ZNF267: variants seen among roughly 807,000 people sequenced by gnomAD.
The protein encoded by ZNF267 is zinc finger protein 267.
A neutral mutation model predicts 71.6 loss-of-function variants in ZNF267; 61 were observed. The ratio of observed to expected loss-of-function variants is 0.85; its 90% CI spans 0.69 to 1.05. ZNF267 has a LOEUF of 1.05. ZNF267 is among the 50% of genes least tolerant of loss of function. The pLI is 0.00. For synonymous variants in ZNF267, 288 were observed against 293.2 expected, an observed-to-expected ratio of 0.98 and a Z score of 0.18; for missense variants, 852 against 870.0, an observed-to-expected ratio of 0.98 and a Z score of 0.26.
At chr16:31,895,967 G>A (rs149502917) in intron 3 of ZNF267, among the ~76,000 whole-genome samples, 1 of 152,148 alleles carries the variant, frequency 6.6e-6, no homozygotes, top group African/African-American at 2.4e-5. Flanking sequence ...ACTCTTTTTA[G>A]TAGGATATAA....
intron 3 of ZNF267, among the ~76,000 whole-genome samples, chr16:31,902,998 CGTT>C (rs1341287991): frequency 6.6e-6 from 1 of 152,064 alleles, no homozygotes; most frequent in African/African-American, 2.4e-5. Flanking sequence ...TAGCATGAAG[CGTT>C]GTTGAATTTT....
chr16:31,884,517 A>G lies in ZNF267; in HGVS notation c.23A>G (p.Asp8Gly), dbSNP rs748599049. 4 of 1,613,972 alleles carry G rather than the reference A, an allele frequency of 2.5e-6. No homozygotes were observed. Among genetic ancestry groups the G allele is most frequent in the Non-Finnish European group, 2.5e-6 (3 of 1,179,992 alleles). The change falls in exon 2 of 4, where the codon GAT becomes GGT. Residue 8 changes from aspartate (D) to glycine (G), a missense_variant. Asp to Gly is a moderately conservative substitution (Grantham distance 94). Coordinates refer to ENST00000300870, the MANE Select transcript of ZNF267 (RefSeq NM_003414.6). The stretch of plus-strand genomic sequence containing the variant: ...TTTCAGGGACTGTTGACATTCAGGG[A>G]TGTGGCCGTAGAATTCTCTTTGGAG... MGLLTFR[D>G]VAVEFSLEEW...
chr16:31,916,631 A>G lies in ZNF267; in HGVS notation c.*150A>G. Reference sequence around the variant, plus strand: ...CCTTACACAATAGCAGAGAATATAAACTGAAAAAATCCATACAAATATTAA... The same window carrying G: ...CCTTACACAATAGCAGAGAATATAAGCTGAAAAAATCCATACAAATATTAA... On this transcript the variant is annotated 3_prime_UTR_variant, in exon 4 of 4. Transcript: ENST00000300870. The G allele has an allele frequency of 1.2e-6, 1 of 811,002 alleles. No homozygotes were observed. Among genetic ancestry groups the G allele is most frequent in the Non-Finnish European group, 1.9e-6 (1 of 533,740 alleles). 50.2% of individuals were successfully genotyped at this position (811,002 alleles called of 1,614,324 possible). A position where few individuals can be genotyped will look rare whatever the true frequency, so the allele number is the denominator to read the frequency against.
rs900100238 is a variant in ZNF267 at position 31,874,094 on chromosome 16, A to G, written c.3+125A>G. On this transcript the variant is annotated intron_variant, in intron 1 of 3. Transcript: ENST00000300870. ...CTCGGGGTCTGGGCCCCGAGTCCCA[A>G]CTGGTGCAGCTCGGCCCTCGGTCCC... 1.2e-5 allele frequency: 13 copies of G among 1,095,754 alleles called. No homozygotes were observed. The Admixed American group carries it at 2.4e-4, about 20-fold the overall frequency. 67.9% of individuals were successfully genotyped at this position (1,095,754 alleles called of 1,614,324 possible). A position where few individuals can be genotyped will look rare whatever the true frequency, so the allele number is the denominator to read the frequency against.
chr16:31,885,081 G>T (rs1485201622), intron 2 of ZNF267, 80 bp from the exon 3 acceptor site: 1 of 1,197,608 alleles, frequency 8.3e-7, no homozygotes, highest in East Asian at 2.6e-5. Flanking sequence ...ATCCTGTCCT[G>T]TGGGGCCAAA....
At chr16:31,912,870 A>C (rs2084145618) in intron 3 of ZNF267, 1 of 147,328 alleles carries the variant, frequency 6.8e-6, no homozygotes, top group African/African-American at 2.7e-5. Flanking sequence ...AATTATTTCA[A>C]CCTCTTTGTT....
At position 31,914,858 on chromosome 16, in the gene ZNF267, A is replaced by G. The variant is rs779996680; in HGVS notation, c.609A>G (p.Leu203=). Residue 203 remains leucine, a synonymous_variant, in exon 4 of 4, where the codon CTA becomes CTG. Coordinates refer to ENST00000300870, the MANE Select transcript of ZNF267 (RefSeq NM_003414.6). ...TGTTATTTAGGCAGGTCTCTACTCT[A>G]AATAGTTACCGAAATGTTTTTATTG... ...TSVLFRQVST[L]NSYRNVFIGE... 3 of 1,611,512 alleles carry G rather than the reference A, an allele frequency of 1.9e-6. No homozygotes were observed. Among genetic ancestry groups the G allele is most frequent in the Non-Finnish European group, 2.5e-6 (3 of 1,179,342 alleles).
At chr16:31,889,626 ATCTGCTTGGCT>A (rs2083946755) in intron 3 of ZNF267, among the ~76,000 whole-genome samples, 1 of 152,226 alleles carries the variant, frequency 6.6e-6, no homozygotes, top group African/African-American at 2.4e-5. Flanking sequence ...TGGCACCAGC[ATCTGCTTGGCT>A]TCTGGCGAGG....
At chr16:31,883,444 G>A (rs1214657357) in intron 1 of ZNF267, among the ~76,000 whole-genome samples, 2 of 152,024 alleles carry the variant, frequency 1.3e-5, no homozygotes, top group Non-Finnish European at 2.9e-5. Context: ...AGCATTATTC[G>A]ATCACTATTG....
intron 3 of ZNF267, among the ~76,000 whole-genome samples, chr16:31,891,451 G>A (rs1320518063): frequency 1.3e-5 from 2 of 152,068 alleles, no homozygotes; most frequent in Non-Finnish European, 2.9e-5. Context: ...TTTTTTGTGT[G>A]TTTTTCATTA....
At chr16:31,889,987 A>T (rs1386430570) in intron 3 of ZNF267, among the ~76,000 whole-genome samples, 1 of 152,210 alleles carries the variant, frequency 6.6e-6, no homozygotes, top group Non-Finnish European at 1.5e-5. Flanking sequence ...TATGATAAAA[A>T]ACTTGATATA....
chr16:31,876,973 A>G (rs2083856681), intron 1 of ZNF267, among the ~76,000 whole-genome samples: 1 of 152,164 alleles, frequency 6.6e-6, no homozygotes, highest in Non-Finnish European at 1.5e-5. Context: ...CTGAAAATCC[A>G]CAGAAAGAGG....
Position 31,884,683 on chromosome 16 carries a change from A to G in ZNF267, c.130+59A>G, listed in dbSNP as rs180716894. The G allele has an allele frequency of 3.6e-5, 56 of 1,551,238 alleles. No individual in the cohort carries two copies. In the African/African-American group the frequency reaches 4.8e-4, roughly 13 times the overall value. ...CTAAGAGTTTTATTTTCTTTTCAGA[A>G]TGTCCCTTGGGATCTTGTGCTTTGT... On this transcript the variant is annotated intron_variant, in intron 2 of 3. Transcript: ENST00000300870.
chr16:31,889,880 A>G (rs535524238), intron 3 of ZNF267, among the ~76,000 whole-genome samples: 5 of 152,146 alleles, frequency 3.3e-5, no homozygotes, highest in Admixed American at 6.5e-5. Flanking sequence ...TTTCAACATG[A>G]GTTTTGTGGT....
chr16:31,885,143 A>G lies in ZNF267; in HGVS notation c.131-18A>G. The stretch of plus-strand genomic sequence containing the variant: ...AGAACCCTCATTAAGAGTCATGTGA[A>G]TTTTTCCAATAAAACAGGTCTTGTT... On this transcript the variant is annotated intron_variant, in intron 2 of 3. Coordinates refer to ENST00000300870, the MANE Select transcript of ZNF267 (RefSeq NM_003414.6). 5 of 1,574,280 alleles carry G rather than the reference A, an allele frequency of 3.2e-6. No individual in the cohort carries two copies. Among genetic ancestry groups the G allele is most frequent in the Non-Finnish European group, 4.3e-6 (5 of 1,165,382 alleles).
chr16:31,887,052 A>G (rs1171827276), intron 3 of ZNF267, among the ~76,000 whole-genome samples: 1 of 152,166 alleles, frequency 6.6e-6, no homozygotes, highest in Admixed American at 6.5e-5. Context: ...CAGTCATTCT[A>G]ACAAGTGTGA....
At chr16:31,909,292 T>C (rs2142359739) in intron 3 of ZNF267, among the ~76,000 whole-genome samples, 1 of 151,840 alleles carries the variant, frequency 6.6e-6, no homozygotes, top group African/African-American at 2.4e-5. Flanking sequence ...CCACCGTGCC[T>C]GGCTAATTTT....
At chr16:31,901,773 T>C (rs1040858569) in intron 3 of ZNF267, among the ~76,000 whole-genome samples, 1 of 152,240 alleles carries the variant, frequency 6.6e-6, no homozygotes, top group African/African-American at 2.4e-5. Flanking sequence ...TGGTTTCCTT[T>C]GCTGTGCAGA....
intron 3 of ZNF267, 109 bp from the exon 4 acceptor site, chr16:31,914,367 C>G (rs2084156349): frequency 9.7e-7 from 1 of 1,029,026 alleles, no homozygotes; most frequent in African/African-American, 1.6e-5. Context: ...AGGTTTTTCA[C>G]TCAACTGTTG....
Sources: allele counts gnomAD v4.1 joint callset (sites outside exome capture counted in the v4.1 genomes callset), GRCh38; gene constraint gnomAD v4.1.1; transcripts MANE v1.5; gene names NCBI Gene and HGNC (gene_info 2026-07-23, HGNC 2026-07-21).